Variants in DCLK3 observed in about 807,000 individuals in gnomAD.
The protein encoded by DCLK3 is doublecortin like kinase 3, also known as serine/threonine-protein kinase DCLK3.
A neutral mutation model predicts 46.4 loss-of-function variants in DCLK3; 30 were observed. The observed-to-expected ratio is 0.65, with a 90% CI of 0.48 to 0.88. DCLK3 has a LOEUF of 0.88. Ranked by LOEUF, DCLK3 falls within the 40% of genes least tolerant of loss-of-function variation. The probability of loss-of-function intolerance (pLI) is 0.00; values close to 1 mark genes in which losing one functional copy is unlikely to be tolerated. For missense variants in DCLK3, 846 were observed against 907.1 expected (o/e 0.93, Z 0.87); for synonymous variants, 401 against 339.2 (o/e 1.18, Z -2.00).
At chr3:36,728,507 A>G (rs563471207) in intron 2 of DCLK3, among the ~76,000 whole-genome samples, 1 of 152,178 alleles carries the variant, frequency 6.6e-6, no homozygotes, top group Admixed American at 6.5e-5. Context: ...AGTAGGGAAA[A>G]GGCAATTGGT....
intron 2 of DCLK3, among the ~76,000 whole-genome samples, chr3:36,735,850 G>A (rs775709528): frequency 2.0e-5 from 3 of 152,222 alleles, no homozygotes; most frequent in Non-Finnish European, 4.4e-5. Context: ...CAACTCACAT[G>A]TATTAAATGT....
In DCLK3 at chr3:36,737,470, T is replaced by G; in HGVS notation, c.1697A>C (p.Asp566Ala). ...IDKSRLKGKE[D>A]MVDSEILIIQ... ...GATCAAGATCTCACTGTCCACCATG[T>G]CCTCCTTGCCCTTGAGTCTGGACTT... Residue 566 changes from aspartate (D) to alanine (A), a missense_variant, in exon 2 of 5, where the codon GAC becomes GCC. Physicochemically the swap from Asp to Ala is moderately radical, Grantham distance 126. This residue lies in a region of DCLK3 where 247 missense variants were observed against 322.8 expected (regional missense o/e 0.77). Transcript: ENST00000636136. The surrounding 1 kb of genome is among the most constrained non-coding windows in gnomAD (Gnocchi z 4.4). The G allele has an allele frequency of 6.2e-7, 1 of 1,614,220 alleles. No homozygotes were observed. Among genetic ancestry groups the G allele is most frequent in the Non-Finnish European group, 8.5e-7 (1 of 1,180,030 alleles).
chr3:36,717,251 G>T (rs2125519545), intron 4 of DCLK3, among the ~76,000 whole-genome samples: 1 of 152,204 alleles, frequency 6.6e-6, no homozygotes, highest in South Asian at 2.1e-4. Flanking sequence ...GAGCAACTGG[G>T]ACCACCCCTG....
intron 3 of DCLK3, among the ~76,000 whole-genome samples, chr3:36,719,835 GT>G (rs1234371501): frequency 1.3e-5 from 2 of 152,162 alleles, no homozygotes; most frequent in African/African-American, 4.8e-5. Flanking sequence ...CCAACACCCT[GT>G]TTTAGTTGGT....
chr3:36,751,063 T>TGAAAAAAAAAAAA (rs1701436459), intron 1 of DCLK3, among the ~76,000 whole-genome samples: 1 of 76,476 alleles, frequency 1.3e-5, no homozygotes, highest in Non-Finnish European at 2.3e-5. Context: ...CGGGATGATC[T>TGAAAAAAAAAAAA]AAAAAAAAAA....
intron 1 of DCLK3, among the ~76,000 whole-genome samples, chr3:36,741,124 CCTCCATTTTTGT>C (rs1362757753): frequency 6.6e-6 from 1 of 152,136 alleles, no homozygotes; most frequent in Non-Finnish European, 1.5e-5. Flanking sequence ...AATTAATCTG[CCTCCATTTTTGT>C]CTGAGATAGC....
In DCLK3 at chr3:36,750,141, C is replaced by T. The variant is rs544671135; in HGVS notation, c.83-11057G>A. Among the ~76,000 whole-genome samples the T allele has an allele frequency of 8.6e-4, 131 of 152,234 alleles. 1 individual carries two copies. Among genetic ancestry groups the T allele is most frequent in the Non-Finnish European group, 1.6e-3 (112 of 68,012 alleles). ...TGTCACTCAGGCTGAAGTGCAGTGG[C>T]GCAATCTTGGCTCACTGCAACCTCT... On this transcript the variant is annotated intron_variant, in intron 1 of 4. Transcript: ENST00000636136.
chr3:36,736,467 C>G (rs979320482), intron 2 of DCLK3, among the ~76,000 whole-genome samples: 3 of 152,130 alleles, frequency 2.0e-5, no homozygotes, highest in Admixed American at 2.0e-4. Flanking sequence ...GTGGCCTTAT[C>G]TGATGTTGTG....
At position 36,751,063 on chromosome 3, in the gene DCLK3, T is replaced by TAAAAAAAAAAAAAAAAAAA. The variant is rs5847933; in HGVS notation, c.83-11998_83-11980dup. ...TGATATCCCTGTAGACGGGATGATC[T>TAAAAAAAAAAAAAAAAAAA]AAAAAAAAAAAAAAAAAAAAAAACT... On this transcript the variant is annotated intron_variant, in intron 1 of 4. Coordinates refer to ENST00000636136, the MANE Select transcript of DCLK3 (RefSeq NM_001394672.2). Among the ~76,000 whole-genome samples the TAAAAAAAAAAAAAAAAAAA allele has an allele frequency of 1.0e-4, 8 of 76,494 alleles. 2 individuals are homozygous for TAAAAAAAAAAAAAAAAAAA. The highest frequency in any genetic ancestry group is 1.4e-4 in the Non-Finnish European group (6 of 44,176). 50.2% of individuals were successfully genotyped at this position (76,494 alleles called of 152,430 possible).
At chr3:36,724,500 A>G (rs1486022079) in intron 2 of DCLK3, among the ~76,000 whole-genome samples, 1 of 152,060 alleles carries the variant, frequency 6.6e-6, no homozygotes, top group Non-Finnish European at 1.5e-5. Flanking sequence ...AACTCCCACA[A>G]TTCCCACATG....
At chr3:36,726,885 T>C (rs751793025) in intron 2 of DCLK3, among the ~76,000 whole-genome samples, 9 of 152,136 alleles carry the variant, frequency 5.9e-5, no homozygotes, top group Non-Finnish European at 1.0e-4. Context: ...AACAAAATAA[T>C]GTGATACCAA....
At chr3:36,743,612 C>A (rs1313260846) in intron 1 of DCLK3, among the ~76,000 whole-genome samples, 1 of 152,124 alleles carries the variant, frequency 6.6e-6, no homozygotes, top group Non-Finnish European at 1.5e-5. Context: ...AATAAATTGA[C>A]CTGGACTTGA....
intron 2 of DCLK3, among the ~76,000 whole-genome samples, chr3:36,736,925 G>A (rs112659912): frequency 0.014 from 2,068 of 152,290 alleles, 29 homozygotes; most frequent in Non-Finnish European, 0.019. Flanking sequence ...TTAAGTCCAC[G>A]TAGTCACTAT....
chr3:36,748,675 C>T (rs1701413757), intron 1 of DCLK3, among the ~76,000 whole-genome samples: 1 of 152,086 alleles, frequency 6.6e-6, no homozygotes, highest in African/African-American at 2.4e-5. Context: ...TCATTTGCTC[C>T]CAGGGTCCGT....
chr3:36,723,378 A>G lies in DCLK3; in HGVS notation c.1960-1719T>C, dbSNP rs143094995. Among the ~76,000 whole-genome samples the G allele has an allele frequency of 6.4e-3, 970 of 152,362 alleles. 8 individuals are homozygous for G. Among genetic ancestry groups the G allele is most frequent in the Middle Eastern group, 0.014 (4 of 294 alleles). On this transcript the variant is annotated intron_variant, in intron 2 of 4. Transcript: ENST00000636136. ...AATAGAAAAGAAAATCCCATTTTCC[A>G]AGGATAAATTAAAGCCGGCTGCAGA...
chr3:36,725,111 A>G (rs954422487), intron 2 of DCLK3, among the ~76,000 whole-genome samples: 3 of 151,940 alleles, frequency 2.0e-5, no homozygotes, highest in Non-Finnish European at 4.4e-5. Context: ...TCAGGAGATC[A>G]AGACCATCCT....
chr3:36,752,610 A>G (rs1701451557), intron 1 of DCLK3, among the ~76,000 whole-genome samples: 1 of 152,080 alleles, frequency 6.6e-6, no homozygotes, highest in Non-Finnish European at 1.5e-5. Flanking sequence ...TCTTGAAACT[A>G]TTTCCCTCAT....
At chr3:36,726,343 T>C (rs1701125297) in intron 2 of DCLK3, among the ~76,000 whole-genome samples, 1 of 152,000 alleles carries the variant, frequency 6.6e-6, no homozygotes, top group Non-Finnish European at 1.5e-5. Flanking sequence ...GACCACTGTG[T>C]GAAAACTTAC....
At chr3:36,742,357 C>T (rs1484396742) in intron 1 of DCLK3, among the ~76,000 whole-genome samples, 2 of 152,134 alleles carry the variant, frequency 1.3e-5, no homozygotes, top group African/African-American at 4.8e-5. Flanking sequence ...TTGCCCTGAT[C>T]CCTAGTGGTT....
Sources: allele counts gnomAD v4.1 joint callset (sites outside exome capture counted in the v4.1 genomes callset), GRCh38; gene constraint gnomAD v4.1.1; regional missense constraint gnomAD v4.1.1; non-coding constraint Gnocchi (gnomAD v3.1); transcripts MANE v1.5; gene names NCBI Gene and HGNC (gene_info 2026-07-23, HGNC 2026-07-21).